The following HLA-DPA1 variants were observed in gnomAD, a reference collection of about 807,000 sequenced individuals.
HLA-DPA1 encodes major histocompatibility complex, class II, DP alpha 1, also known as HLA class II histocompatibility antigen, DP alpha 1 chain.
A neutral mutation model predicts 21.5 loss-of-function variants in HLA-DPA1; 20 were observed. The ratio of observed to expected loss-of-function variants is 0.93; its 90% CI spans 0.66 to 1.35. The LOEUF (loss-of-function observed/expected upper bound fraction) is 1.35. Ranked by LOEUF, HLA-DPA1 falls within the 40% of genes most tolerant of loss-of-function variation. HLA-DPA1 has a pLI of 0.00. For synonymous variants in HLA-DPA1, 123 were observed against 129.6 expected, an observed-to-expected ratio of 0.95 and a Z score of 0.35; for missense variants, 279 against 323.0, an observed-to-expected ratio of 0.86 and a Z score of 1.05.
In HLA-DPA1 at chr6:33,076,101, G is replaced by A. The variant is rs376742482; in HGVS notation, c.-99-2432C>T. On this transcript the variant is annotated intron_variant, in intron 1 of 5. Transcript: ENST00000419277. ...CAGTGGCTCTGACGGCGTTACTGAT[G>A]GTGCTGCTCACATCTGTGGTCCAGG... 6 of 1,612,230 alleles carry A rather than the reference G, an allele frequency of 3.7e-6. No individual in the cohort carries two copies. In the East Asian group the frequency reaches 1.1e-4, roughly 30 times the overall value.
intron 1 of HLA-DPA1, among the ~76,000 whole-genome samples, chr6:33,076,412 G>A (rs1762542273): frequency 6.6e-6 from 1 of 152,184 alleles, no homozygotes; most frequent in Non-Finnish European, 1.5e-5. Context: ...AAGAGGTCCT[G>A]GATAACCTTG....
chr6:33,076,609 C>A (rs1277440333), intron 1 of HLA-DPA1, among the ~76,000 whole-genome samples: 1 of 152,178 alleles, frequency 6.6e-6, no homozygotes, highest in Non-Finnish European at 1.5e-5. Flanking sequence ...CAGGAGCCCA[C>A]ATCCCTTGGA....
chr6:33,069,194 C>T (rs2308928), exon 4 of HLA-DPA1: 338,146 of 1,600,580 alleles, frequency 0.21, 47,289 homozygotes, highest in East Asian at 0.64. Flanking sequence ...TGCACAGCCA[C>T]GTGACGTTGA....
At chr6:33,075,537 C>T (rs1023384500) in intron 1 of HLA-DPA1, among the ~76,000 whole-genome samples, 1 of 152,118 alleles carries the variant, frequency 6.6e-6, no homozygotes. Flanking sequence ...AGACTCAGAC[C>T]TCATTTGAGT....
exon 4 of HLA-DPA1, chr6:33,069,072 T>A: frequency 1.2e-6 from 2 of 1,613,004 alleles, no homozygotes; most frequent in Non-Finnish European, 1.7e-6. Context: ...CCTGCAGTCA[T>A]AGAAGTCCTC....
chr6:33,067,043 C>G (rs1304352732), intron 5 of HLA-DPA1: 1 of 152,134 alleles, frequency 6.6e-6, no homozygotes, highest in Non-Finnish European at 1.5e-5. Flanking sequence ...CTCCAGCAAC[C>G]CTGCAACCCC....
chr6:33,071,324 C>T (rs1470657560), intron 2 of HLA-DPA1, among the ~76,000 whole-genome samples: 2 of 152,142 alleles, frequency 1.3e-5, no homozygotes, highest in African/African-American at 4.8e-5. Context: ...TAGCTTGCTC[C>T]TCAGTTTAAA....
At chr6:33,073,848 A>T (rs1762410801) in intron 1 of HLA-DPA1, 199 bp from the exon 1 acceptor site, 1 of 393,136 alleles carries the variant, frequency 2.5e-6, no homozygotes, top group Non-Finnish European at 4.5e-6. Flanking sequence ...TTTCAGAGTT[A>T]GAGAAAGAGA....
chr6:33,070,115 T>C (rs1762207098), intron 2 of HLA-DPA1, among the ~76,000 whole-genome samples: 2 of 152,336 alleles, frequency 1.3e-5, no homozygotes, highest in South Asian at 4.1e-4. Context: ...AGTTTATCAC[T>C]GATAAGTCAA....
chr6:33,077,346 C>T (rs1399522096), intron 1 of HLA-DPA1, among the ~76,000 whole-genome samples: 1 of 151,980 alleles, frequency 6.6e-6, no homozygotes, highest in African/African-American at 2.4e-5. Context: ...GGTTCCAAGT[C>T]TTTGCTATTG....
intron 1 of HLA-DPA1, among the ~76,000 whole-genome samples, chr6:33,077,415 A>G (rs1020200502): frequency 1.3e-5 from 2 of 152,030 alleles, no homozygotes; most frequent in Non-Finnish European, 2.9e-5. Context: ...ATGATTTATA[A>G]TCCTTTGGGT....
intron 1 of HLA-DPA1, among the ~76,000 whole-genome samples, chr6:33,076,780 A>G (rs935822358): frequency 3.6e-4 from 55 of 152,012 alleles, no homozygotes; most frequent in Non-Finnish European, 7.2e-4. Context: ...CATGACAGGG[A>G]TTGAGTGTAG....
chr6:33,077,380 T>C lies in HLA-DPA1; in HGVS notation c.-100+3300A>G, dbSNP rs370487441. 1.2e-4 allele frequency among the ~76,000 whole-genome samples: 19 copies of C among 152,160 alleles called. 1 individual carries two copies. The East Asian group carries it at 3.1e-3, about 25-fold the overall frequency. Reference sequence around the variant, plus strand: ...TGTGAATAGTGCCGCAATAAACATATGTGTGCATGTGTCTTTATAGCAGCA... The same window carrying C: ...TGTGAATAGTGCCGCAATAAACATACGTGTGCATGTGTCTTTATAGCAGCA... On this transcript the variant is annotated intron_variant, in intron 1 of 5. Coordinates refer to ENST00000419277, the Ensembl canonical transcript of HLA-DPA1.
intron 5 of HLA-DPA1, chr6:33,067,396 T>C (rs1372851229): frequency 6.6e-6 from 1 of 152,214 alleles, no homozygotes; most frequent in East Asian, 1.9e-4. Flanking sequence ...CACCTCTTTC[T>C]ATGTCTCTTT....
At chr6:33,076,115 C>G (rs751203807) in intron 1 of HLA-DPA1, 33 of 1,611,594 alleles carry the variant, frequency 2.0e-5, no homozygotes, top group Non-Finnish European at 2.8e-5. Flanking sequence ...CTGCTCACAT[C>G]TGTGGTCCAG....
At chr6:33,069,104 G>A (rs757189367) in exon 4 of HLA-DPA1, 134 of 1,612,942 alleles carry the variant, frequency 8.3e-5, no homozygotes, top group Non-Finnish European at 1.1e-4. Context: ...CAAAGGTCAG[G>A]TAATGGAACT....
intron 2 of HLA-DPA1, among the ~76,000 whole-genome samples, chr6:33,071,947 G>A (rs910385999): frequency 9.9e-5 from 15 of 152,132 alleles, no homozygotes; most frequent in African/African-American, 3.4e-4. Context: ...GAGGAATTTA[G>A]GCCATAGAAC....
Position 33,073,677 on chromosome 6 carries a change from T to A in HLA-DPA1, c.-99-8A>T. On this transcript the variant is annotated splice_polypyrimidine_tract_variant and splice_region_variant and intron_variant, in intron 1 of 5. Transcript: ENST00000419277. Reference sequence around the variant, plus strand: ...AACTGTGGGCCTCTAGCACTGGAAATGGGTGGAGAGGAATCAGCATGGCTG... The same window carrying A: ...AACTGTGGGCCTCTAGCACTGGAAAAGGGTGGAGAGGAATCAGCATGGCTG... 3 of 743,408 alleles carry A rather than the reference T, an allele frequency of 4.0e-6. No homozygotes were observed. In the South Asian group the frequency reaches 4.6e-5, roughly 11 times the overall value. 46.1% of individuals were successfully genotyped at this position (743,408 alleles called of 1,614,324 possible).
At chr6:33,070,710 A>G (rs1487895881) in intron 2 of HLA-DPA1, among the ~76,000 whole-genome samples, 1 of 152,162 alleles carries the variant, frequency 6.6e-6, no homozygotes, top group Non-Finnish European at 1.5e-5. Flanking sequence ...AAAATATTTC[A>G]ACATTTATTT....
Sources: allele counts gnomAD v4.1 joint callset (sites outside exome capture counted in the v4.1 genomes callset), GRCh38; gene constraint gnomAD v4.1.1; transcripts MANE v1.5; gene names NCBI Gene and HGNC (gene_info 2026-07-23, HGNC 2026-07-21).